ZNF469: variants seen among roughly 807,000 people sequenced by gnomAD.
The protein encoded by ZNF469 is zinc finger protein 469.
A neutral mutation model predicts 1.0 loss-of-function variants in ZNF469; 1 was observed. The observed-to-expected ratio is 1.00, with a 90% CI of 0.35 to 4.73. The LOEUF (loss-of-function observed/expected upper bound fraction) is 4.73. Among genes scored for constraint, ZNF469 ranks in the 30% most tolerant of loss-of-function variants. The probability of loss-of-function intolerance (pLI) is 0.16; values close to 1 mark genes in which losing one functional copy is unlikely to be tolerated. For synonymous variants in ZNF469, 2,703 were observed against 2,363.4 expected, an observed-to-expected ratio of 1.14 and a Z score of -4.17; for missense variants, 6,100 against 5,356.3, an observed-to-expected ratio of 1.14 and a Z score of -4.33.
intron 1 of ZNF469, among the ~76,000 whole-genome samples, chr16:88,405,089 A>G (rs548381514): frequency 6.6e-6 from 1 of 152,244 alleles, no homozygotes; most frequent in East Asian, 1.9e-4. Context: ...GTAGCTCCAC[A>G]CAGCATGCTT....
At chr16:88,421,127 G>C (rs544935275) in intron 1 of ZNF469, among the ~76,000 whole-genome samples, 77 of 152,178 alleles carry the variant, frequency 5.1e-4, no homozygotes, top group Non-Finnish European at 9.3e-4. Context: ...GGCGAAGAGG[G>C]TTGGGAGCAG....
Position 88,436,569 on chromosome 16 carries a change from C to A in ZNF469, c.9099C>A (p.Pro3033=), listed in dbSNP as rs745592403. The A allele has an allele frequency of 3.9e-5, 60 of 1,542,100 alleles. No homozygotes were observed. Among genetic ancestry groups the A allele is most frequent in the Non-Finnish European group, 5.1e-5 (58 of 1,141,570 alleles). Residue 3033 remains proline (P), a synonymous_variant, in exon 3 of 3, where the codon CCC becomes CCA. Transcript: ENST00000565624. ...GAGAACGCTGTGACGGTGGGCTTCCCGGGAACACCCACCTGCTGCCGCTCC... is the reference window on the plus strand; with the variant it reads ...GAGAACGCTGTGACGGTGGGCTTCCAGGGAACACCCACCTGCTGCCGCTCC... The part of the protein sequence containing the change: ...LERERCDGGL[P]GNTHLLPLRA...
chr16:88,132,710 G>A, the ZNF469 span, among the ~76,000 whole-genome samples: 10 of 152,198 alleles, frequency 6.6e-5, no homozygotes, highest in Non-Finnish European at 1.3e-4. Context: ...AGACATAAGT[G>A]CGGCTCTCCT....
intron 1 of ZNF469, among the ~76,000 whole-genome samples, chr16:88,403,083 G>C (rs1414175441): frequency 6.6e-6 from 1 of 152,198 alleles, no homozygotes; most frequent in African/African-American, 2.4e-5. Flanking sequence ...AGAAACTTAA[G>C]AAGGAGAGGT....
At chr16:88,349,370 C>A in the ZNF469 span, among the ~76,000 whole-genome samples, 1 of 151,668 alleles carries the variant, frequency 6.6e-6, no homozygotes. Context: ...ACATATCACA[C>A]ACACACACCA....
chr16:88,423,534 T>G (rs189427037), intron 1 of ZNF469, among the ~76,000 whole-genome samples: 1 of 152,294 alleles, frequency 6.6e-6, no homozygotes, highest in African/African-American at 2.4e-5. Flanking sequence ...AAGAACAGAC[T>G]GAAACAACAA....
At chr16:88,156,186 C>T in the ZNF469 span, among the ~76,000 whole-genome samples, 57 of 152,278 alleles carry the variant, frequency 3.7e-4, no homozygotes, top group African/African-American at 1.3e-3. Context: ...TAGTTTCTCC[C>T]ATTGTGTGTC....
chr16:88,158,715 A>G, the ZNF469 span, among the ~76,000 whole-genome samples: 5 of 152,190 alleles, frequency 3.3e-5, no homozygotes, highest in Non-Finnish European at 7.4e-5. Context: ...ACTCTCTTCT[A>G]AAGTGGATCT....
the ZNF469 span, among the ~76,000 whole-genome samples, chr16:88,177,015 A>G: frequency 6.6e-6 from 1 of 152,268 alleles, no homozygotes; most frequent in East Asian, 1.9e-4. This position sits in a 1 kb window ranked among gnomAD's most constrained non-coding sequence, Gnocchi z 4.8. Flanking sequence ...CCCAGGTCAT[A>G]GAAACCTCGA....
intron 1 of ZNF469, among the ~76,000 whole-genome samples, chr16:88,404,516 C>A (rs1788211807): frequency 6.6e-6 from 1 of 152,162 alleles, no homozygotes; most frequent in African/African-American, 2.4e-5. Flanking sequence ...GAGGAAGGGG[C>A]AGCTGTCATG....
the ZNF469 span, among the ~76,000 whole-genome samples, chr16:88,249,732 G>C: frequency 6.6e-6 from 1 of 152,064 alleles, no homozygotes; most frequent in Non-Finnish European, 1.5e-5. Flanking sequence ...CACCACGCCC[G>C]GCCAATTTTT....
the ZNF469 span, among the ~76,000 whole-genome samples, chr16:88,230,436 G>A: frequency 6.6e-6 from 1 of 152,218 alleles, no homozygotes; most frequent in Admixed American, 6.5e-5. Flanking sequence ...GCTGATAAGG[G>A]CTGATGAGCA....
chr16:88,280,179 G>T, the ZNF469 span, among the ~76,000 whole-genome samples: 1 of 151,392 alleles, frequency 6.6e-6, no homozygotes, highest in African/African-American at 2.4e-5. Flanking sequence ...GCTGCACCAC[G>T]CTGACGCTTG....
chr16:88,293,955 C>T, the ZNF469 span, among the ~76,000 whole-genome samples: 3 of 152,146 alleles, frequency 2.0e-5, no homozygotes, highest in Admixed American at 6.5e-5. Flanking sequence ...GTGAAGACCA[C>T]GAGACGGCCT....
At chr16:88,354,812 G>T in the ZNF469 span, among the ~76,000 whole-genome samples, 1 of 152,168 alleles carries the variant, frequency 6.6e-6, no homozygotes, top group African/African-American at 2.4e-5. Flanking sequence ...GACCCACCTT[G>T]GTCAGCTTCA....
chr16:88,253,824 C>A, the ZNF469 span, among the ~76,000 whole-genome samples: 13 of 152,202 alleles, frequency 8.5e-5, no homozygotes, highest in Admixed American at 8.5e-4. Context: ...CAGGCGTGCA[C>A]CACCGCGCCC....
At chr16:88,269,753 G>T in the ZNF469 span, among the ~76,000 whole-genome samples, 1 of 152,128 alleles carries the variant, frequency 6.6e-6, no homozygotes. Context: ...TCTGTCACCA[G>T]GATGGCCCTG....
the ZNF469 span, among the ~76,000 whole-genome samples, chr16:88,354,897 C>A: frequency 6.6e-6 from 1 of 152,180 alleles, no homozygotes; most frequent in Non-Finnish European, 1.5e-5. Context: ...GCAAGGGAGG[C>A]CTGAGGAGTC....
At chr16:88,313,998 G>T in the ZNF469 span, among the ~76,000 whole-genome samples, 4 of 148,570 alleles carry the variant, frequency 2.7e-5, no homozygotes, top group Admixed American at 6.7e-5. Flanking sequence ...GATGATGCTG[G>T]TGTGGACTGT....
Sources: gnomAD v4.1 joint callset for allele counts (sites outside exome capture counted in the v4.1 genomes callset) on GRCh38, gnomAD v4.1.1 for gene constraint, Gnocchi (gnomAD v3.1) non-coding constraint, MANE v1.5 for transcripts, NCBI Gene and HGNC (gene_info 2026-07-23, HGNC 2026-07-21) for gene names.